Variants in RFX3 observed in about 807,000 individuals in gnomAD.
RFX3 encodes the protein transcription factor RFX3.
A neutral mutation model predicts 98.6 loss-of-function variants in RFX3; 14 were observed. The ratio of observed to expected loss-of-function variants is 0.14; its 90% CI spans 0.09 to 0.22. RFX3 has a LOEUF of 0.22. Ranked by LOEUF, RFX3 falls within the 10% of genes least tolerant of loss-of-function variation. RFX3 has a pLI of 1.00. For synonymous variants in RFX3, 383 were observed against 328.4 expected (o/e 1.17, Z -1.80); for missense variants, 639 against 926.9 (o/e 0.69, Z 4.03).
At chr9:3,501,516 G>T (rs1245647876) in intron 1 of RFX3, among the ~76,000 whole-genome samples, 1 of 150,870 alleles carries the variant, frequency 6.6e-6, no homozygotes, top group Non-Finnish European at 1.5e-5. Context: ...AGATCAATAA[G>T]GATGTTGATA....
chr9:3,524,548 G>A (rs1225507136), intron 1 of RFX3: 2 of 970,182 alleles, frequency 2.1e-6, no homozygotes, highest in African/African-American at 3.5e-5. Flanking sequence ...AAAGGAAAAT[G>A]AGGAGATTAA....
chr9:3,406,178 G>C (rs148103891), intron 1 of RFX3, among the ~76,000 whole-genome samples: 1 of 151,826 alleles, frequency 6.6e-6, no homozygotes, highest in Non-Finnish European at 1.5e-5. Flanking sequence ...GCCCACCCTA[G>C]TCTCAAAGTC....
intron 2 of RFX3, among the ~76,000 whole-genome samples, chr9:3,372,530 TTTTCTTTCTTTC>T (rs201467721): frequency 6.6e-6 from 1 of 151,460 alleles, no homozygotes; most frequent in Non-Finnish European, 1.5e-5. Context: ...GCCATCTTTT[TTTTCTTTCTTTC>T]TTTCTTTCTT....
At chr9:3,411,712 A>G (rs1842482058) in intron 1 of RFX3, among the ~76,000 whole-genome samples, 1 of 151,164 alleles carries the variant, frequency 6.6e-6, no homozygotes, top group South Asian at 2.1e-4. Flanking sequence ...GCTGGTCTAG[A>G]ACTCTGGACC....
chr9:3,311,844 AC>A (rs150377875), intron 4 of RFX3, among the ~76,000 whole-genome samples: 18,912 of 152,176 alleles, frequency 0.12, 1,231 homozygotes, highest in Middle Eastern at 0.19. Context: ...AGATTGCACC[AC>A]TGCAAGCCAG....
chr9:3,522,272 T>A (rs1434361431), intron 1 of RFX3, among the ~76,000 whole-genome samples: 4 of 152,170 alleles, frequency 2.6e-5, no homozygotes, highest in African/African-American at 4.8e-5. Flanking sequence ...ACACTATGTA[T>A]CTGTGAATAG....
intron 1 of RFX3, chr9:3,524,712 C>T (rs754462935): frequency 1.4e-6 from 1 of 712,290 alleles, no homozygotes; most frequent in South Asian, 6.3e-5. Flanking sequence ...GGAGGATCAT[C>T]AAAGTGAAAC....
intron 2 of RFX3, among the ~76,000 whole-genome samples, chr9:3,352,646 C>A (rs1009424654): frequency 1.3e-5 from 2 of 151,956 alleles, no homozygotes; most frequent in African/African-American, 4.8e-5. Context: ...ACGGGAAATG[C>A]CCTGCCACAT....
intron 4 of RFX3, among the ~76,000 whole-genome samples, chr9:3,306,780 A>C (rs1256173371): frequency 6.6e-6 from 1 of 152,104 alleles, no homozygotes; most frequent in East Asian, 1.9e-4. Flanking sequence ...AAATTGACAA[A>C]TAATACCTGG....
At chr9:3,363,738 C>G (rs180745841) in intron 2 of RFX3, among the ~76,000 whole-genome samples, 1 of 152,216 alleles carries the variant, frequency 6.6e-6, no homozygotes, top group Non-Finnish European at 1.5e-5. Flanking sequence ...ATGGTGTCAG[C>G]TGGCAGTGAT....
chr9:3,485,473 C>T (rs1347325969), intron 1 of RFX3, among the ~76,000 whole-genome samples: 1 of 152,188 alleles, frequency 6.6e-6, no homozygotes, highest in African/African-American at 2.4e-5. Flanking sequence ...ACTCAAAAAG[C>T]CATGAGCTGC....
intron 1 of RFX3, among the ~76,000 whole-genome samples, chr9:3,431,714 G>A (rs1844671950): frequency 6.6e-6 from 1 of 152,184 alleles, no homozygotes; most frequent in Non-Finnish European, 1.5e-5. Context: ...GCAAAGGATG[G>A]TTTGGTAATT....
intron 15 of RFX3, among the ~76,000 whole-genome samples, chr9:3,246,118 G>A (rs772404253): frequency 4.6e-5 from 7 of 152,092 alleles, no homozygotes; most frequent in Non-Finnish European, 7.4e-5. Context: ...TTTGCCTTTT[G>A]GGGTAAATAA....
At chr9:3,369,946 A>T (rs1194997843) in intron 2 of RFX3, among the ~76,000 whole-genome samples, 2 of 150,618 alleles carry the variant, frequency 1.3e-5, no homozygotes, top group East Asian at 3.9e-4. Context: ...CTCCTGCCTC[A>T]GCCTCCCGAG....
chr9:3,381,504 T>G (rs371740507), intron 2 of RFX3, among the ~76,000 whole-genome samples: 1 of 152,090 alleles, frequency 6.6e-6, no homozygotes, highest in Non-Finnish European at 1.5e-5. Flanking sequence ...AAAAGAAACA[T>G]GTAAATCTGT....
At chr9:3,451,500 C>T (rs561559726) in intron 1 of RFX3, among the ~76,000 whole-genome samples, 4 of 152,132 alleles carry the variant, frequency 2.6e-5, no homozygotes, top group African/African-American at 7.2e-5. Flanking sequence ...GCTACGATTA[C>T]GCCACTGCAC....
rs762274480 is a variant in RFX3, at chr9:3,247,930, G to C, written c.1968+102C>G. The C allele has an allele frequency of 4.3e-6, 7 of 1,612,614 alleles. No homozygotes were observed. In the African/African-American group the frequency reaches 8.0e-5, roughly 18 times the overall value. On this transcript the variant is annotated intron_variant, in intron 15 of 16. Transcript: ENST00000617270. The stretch of plus-strand genomic sequence containing the variant: ...CCCTCCTGGCTCTGAGGCTGACTTG[G>C]TTAGGAACCATGGTTTTAATCAATA...
intron 5 of RFX3, among the ~76,000 whole-genome samples, chr9:3,297,348 A>G (rs908818547): frequency 2.0e-5 from 3 of 152,102 alleles, no homozygotes; most frequent in Non-Finnish European, 4.4e-5. Context: ...TTATCTTTAA[A>G]ACTTGATTAC....
At chr9:3,370,132 C>T (rs935659291) in intron 2 of RFX3, among the ~76,000 whole-genome samples, 4 of 150,588 alleles carry the variant, frequency 2.7e-5, no homozygotes, top group Admixed American at 1.3e-4. Context: ...TGAGCCACCA[C>T]GCCCAGCCCA....
Sources: allele counts gnomAD v4.1 joint callset (sites outside exome capture counted in the v4.1 genomes callset), GRCh38; gene constraint gnomAD v4.1.1; transcripts MANE v1.5; gene names NCBI Gene and HGNC (gene_info 2026-07-23, HGNC 2026-07-21).